ABLIM1: variants seen among roughly 807,000 people sequenced by gnomAD.
The protein encoded by ABLIM1 is actin-binding LIM protein 1.
In ABLIM1, 40 loss-of-function variants were observed where a neutral mutation model predicts 107.0. The ratio of observed to expected loss-of-function variants is 0.37; its 90% CI spans 0.29 to 0.49. The LOEUF (loss-of-function observed/expected upper bound fraction) is 0.49, where lower values mean the gene tolerates loss of function less well. Ranked by LOEUF, ABLIM1 falls within the 20% of genes least tolerant of loss-of-function variation. ABLIM1 has a pLI of 0.97. For synonymous variants in ABLIM1, 357 were observed against 357.3 expected (o/e 1.00, Z 0.01); for missense variants, 857 against 1,008.5 (o/e 0.85, Z 2.04).
At chr10:114,704,314 A>C (rs764185682) in intron 1 of ABLIM1, among the ~76,000 whole-genome samples, 2,954 of 69,780 alleles carry the variant, frequency 0.042, 87 homozygotes, top group Middle Eastern at 0.054. Context: ...ATATATATAT[A>C]TATATATATA....
chr10:114,678,638 A>C (rs770037311), intron 1 of ABLIM1, among the ~76,000 whole-genome samples: 1 of 152,194 alleles, frequency 6.6e-6, no homozygotes, highest in Non-Finnish European at 1.5e-5. Context: ...ACAAAGACTC[A>C]AATATTTACT....
intron 1 of ABLIM1, among the ~76,000 whole-genome samples, chr10:114,765,355 A>G (rs1461291278): frequency 7.9e-6 from 1 of 126,802 alleles, no homozygotes; most frequent in Non-Finnish European, 1.9e-5. Flanking sequence ...GGCCATTTTC[A>G]ACTATAAAAA....
intron 1 of ABLIM1, among the ~76,000 whole-genome samples, chr10:114,761,768 T>G (rs2082751519): frequency 6.6e-6 from 1 of 152,204 alleles, no homozygotes; most frequent in Admixed American, 6.5e-5. Context: ...ACAGGCTTCC[T>G]AGGTTCAGTA....
intron 6 of ABLIM1, among the ~76,000 whole-genome samples, chr10:114,544,138 G>A (rs534328138): frequency 1.5e-4 from 23 of 152,332 alleles, no homozygotes; most frequent in Admixed American, 6.5e-4. Context: ...ACATGGCTCC[G>A]TGGATTTAGC....
chr10:114,690,171 G>A, intron 1 of ABLIM1: 4 of 1,382,010 alleles, frequency 2.9e-6, no homozygotes, highest in Non-Finnish European at 4.1e-6. Flanking sequence ...GTCAGCAATG[G>A]TGATTTTCTT....
chr10:114,611,261 G>A (rs548912989), intron 1 of ABLIM1, among the ~76,000 whole-genome samples: 4 of 152,142 alleles, frequency 2.6e-5, no homozygotes, highest in Non-Finnish European at 4.4e-5. Context: ...GATGTCGGGA[G>A]TCCGAGAACA....
At chr10:114,687,285 A>G (rs1250726338), upstream of ABLIM1, among the ~76,000 whole-genome samples, 1 of 152,228 alleles carries the variant, frequency 6.6e-6, no homozygotes, top group Non-Finnish European at 1.5e-5. Flanking sequence ...ACAACTATGA[A>G]CTTTTCACAA....
chr10:114,714,047 T>C (rs1390262128), intron 1 of ABLIM1, among the ~76,000 whole-genome samples: 2 of 152,172 alleles, frequency 1.3e-5, no homozygotes, highest in African/African-American at 4.8e-5. Flanking sequence ...GAAACAGCCA[T>C]GAAAATAATC....
At chr10:114,443,389 T>C (rs1048045040) in intron 17 of ABLIM1, among the ~76,000 whole-genome samples, 1 of 151,558 alleles carries the variant, frequency 6.6e-6, no homozygotes, top group South Asian at 2.1e-4. Context: ...CTCAGCTCAC[T>C]GCAACCTCCA....
chr10:114,772,814 T>C (rs557878785), upstream of ABLIM1, among the ~76,000 whole-genome samples: 71 of 152,044 alleles, frequency 4.7e-4, no homozygotes, highest in African/African-American at 1.7e-3. Flanking sequence ...ATAAAATATA[T>C]ATAAAGTAAC....
the ABLIM1 span, among the ~76,000 whole-genome samples, chr10:114,791,423 G>C: frequency 6.6e-6 from 1 of 152,122 alleles, no homozygotes; most frequent in Non-Finnish European, 1.5e-5. Context: ...CGGATCACGA[G>C]GTCAGGAGAT....
At chr10:114,716,850 A>T (rs2081679327) in intron 1 of ABLIM1, among the ~76,000 whole-genome samples, 1 of 152,066 alleles carries the variant, frequency 6.6e-6, no homozygotes, top group African/African-American at 2.4e-5. Context: ...GTTAAAAAAA[A>T]AAAAAAAAAA....
At chr10:114,521,252 C>T (rs770373599) in intron 6 of ABLIM1, among the ~76,000 whole-genome samples, 9 of 152,160 alleles carry the variant, frequency 5.9e-5, no homozygotes, top group Non-Finnish European at 1.2e-4. Context: ...AATCTGTATT[C>T]AATTCCTGGC....
chr10:114,582,655 A>G (rs992869846), intron 2 of ABLIM1, among the ~76,000 whole-genome samples: 6 of 152,210 alleles, frequency 3.9e-5, no homozygotes, highest in African/African-American at 1.4e-4. Context: ...ACTGGTACAA[A>G]AAGAAACACA....
At chr10:114,673,268 A>C (rs900462055) in intron 1 of ABLIM1, among the ~76,000 whole-genome samples, 1 of 151,880 alleles carries the variant, frequency 6.6e-6, no homozygotes, top group African/African-American at 2.4e-5. Flanking sequence ...AAAAAAAAAA[A>C]AACAAAAAAA....
intron 1 of ABLIM1, among the ~76,000 whole-genome samples, chr10:114,652,997 T>C (rs924991712): frequency 9.9e-5 from 15 of 152,196 alleles, no homozygotes; most frequent in African/African-American, 3.6e-4. Context: ...TTACAAACTT[T>C]AGGTGTGCCA....
chr10:114,580,390 T>G (rs987752019), intron 2 of ABLIM1, among the ~76,000 whole-genome samples: 1 of 152,140 alleles, frequency 6.6e-6, no homozygotes. Flanking sequence ...AATTTTTTTG[T>G]ATACACAGGC....
chr10:114,665,071 A>G (rs559536589), intron 1 of ABLIM1, among the ~76,000 whole-genome samples: 1 of 151,668 alleles, frequency 6.6e-6, no homozygotes, highest in Admixed American at 6.6e-5. Context: ...GAGCCGAGAT[A>G]GCGCCACTGC....
chr10:114,581,888 T>C (rs973781914), intron 2 of ABLIM1, among the ~76,000 whole-genome samples: 1 of 151,266 alleles, frequency 6.6e-6, no homozygotes, highest in East Asian at 1.9e-4. Context: ...ATAATAAGAG[T>C]TGTCTAAGAC....
Sources: allele counts gnomAD v4.1 joint callset (sites outside exome capture counted in the v4.1 genomes callset), GRCh38; gene constraint gnomAD v4.1.1; transcripts MANE v1.5; gene names NCBI Gene and HGNC (gene_info 2026-07-23, HGNC 2026-07-21).